The following CDYL2 variants were observed in gnomAD, a reference collection of about 807,000 sequenced individuals.
CDYL2 encodes chromodomain Y-like protein 2.
CDYL2 carries 23 observed loss-of-function variants against 49.4 expected under a neutral mutation model. The ratio of observed to expected loss-of-function variants is 0.47; its 90% CI spans 0.34 to 0.66. The LOEUF (loss-of-function observed/expected upper bound fraction) is 0.66, where lower values mean the gene tolerates loss of function less well. Among genes scored for constraint, CDYL2 ranks in the 30% least tolerant of loss-of-function variants. The pLI, the probability that CDYL2 is intolerant of heterozygous loss-of-function variation, is 0.01. For missense variants in CDYL2, 678 were observed against 656.4 expected, an observed-to-expected ratio of 1.03 and a Z score of -0.36; for synonymous variants, 360 against 268.8, an observed-to-expected ratio of 1.34 and a Z score of -3.32.
intron 1 of CDYL2, among the ~76,000 whole-genome samples, chr16:80,761,881 T>TAA (rs371781974): frequency 0.12 from 14,603 of 122,316 alleles, 867 homozygotes; most frequent in South Asian, 0.24. Flanking sequence ...AGGAGAAAAT[T>TAA]AAAAAAAAAA....
intron 1 of CDYL2, among the ~76,000 whole-genome samples, chr16:80,717,662 G>C (rs1447267833): frequency 6.6e-6 from 1 of 152,248 alleles, no homozygotes; most frequent in Admixed American, 6.5e-5. Context: ...CATGAGATCT[G>C]CTAGGGGCAT....
intron 1 of CDYL2, among the ~76,000 whole-genome samples, chr16:80,771,746 A>T (rs1906912667): frequency 6.6e-6 from 1 of 152,108 alleles, no homozygotes; most frequent in East Asian, 1.9e-4. Context: ...AAAAATGAAA[A>T]CTAAAAAACT....
intron 1 of CDYL2, among the ~76,000 whole-genome samples, chr16:80,709,310 G>A (rs892918881): frequency 3.6e-4 from 55 of 150,770 alleles, no homozygotes; most frequent in African/African-American, 1.2e-3. Context: ...TGAACCCGGG[G>A]AGTGGAGGTT....
intron 1 of CDYL2, among the ~76,000 whole-genome samples, chr16:80,731,874 C>T (rs977553026): frequency 4.7e-5 from 7 of 149,804 alleles, no homozygotes; most frequent in Admixed American, 4.7e-4. Flanking sequence ...CAACAAAGAG[C>T]ATACATGAAA....
chr16:80,631,069 C>T (rs943820504), intron 3 of CDYL2, among the ~76,000 whole-genome samples: 1 of 152,096 alleles, frequency 6.6e-6, no homozygotes, highest in East Asian at 1.9e-4. Context: ...CTTCAGTGGG[C>T]CTGGCACTGG....
chr16:80,787,531 G>C (rs568252213), intron 1 of CDYL2, among the ~76,000 whole-genome samples: 1 of 152,174 alleles, frequency 6.6e-6, no homozygotes, highest in Non-Finnish European at 1.5e-5. Flanking sequence ...ATCAACAGAA[G>C]TGTCAGGTCA....
At chr16:80,641,888 A>ATT (rs2142405439) in intron 2 of CDYL2, among the ~76,000 whole-genome samples, 1 of 151,588 alleles carries the variant, frequency 6.6e-6, no homozygotes, top group South Asian at 2.1e-4. Flanking sequence ...CCTAAAACTT[A>ATT]AAGTATAATA....
At chr16:80,641,364 T>G (rs78309779) in intron 2 of CDYL2, among the ~76,000 whole-genome samples, 1 of 151,910 alleles carries the variant, frequency 6.6e-6, no homozygotes, top group Non-Finnish European at 1.5e-5. Context: ...ACAAAAAAAC[T>G]TTTACCCTAG....
At chr16:80,799,731 A>T (rs1033657065) in intron 1 of CDYL2, among the ~76,000 whole-genome samples, 1 of 152,238 alleles carries the variant, frequency 6.6e-6, no homozygotes, top group African/African-American at 2.4e-5. Flanking sequence ...ATAAAAGCCT[A>T]CTTGAAAATA....
rs1040011260 is a variant in CDYL2, at chr16:80,787,871, T to C, written c.24+16279A>G. Among the ~76,000 whole-genome samples, 6 of 152,204 alleles carry C rather than the reference T, an allele frequency of 3.9e-5. No individual in the cohort carries two copies. The East Asian group carries it at 5.8e-4, about 15-fold the overall frequency. Reference sequence around the variant, plus strand: ...ATGTGCATGCTCTGGTAATATTTTTTAATGCCAAGCATGCAGACATATTTG... The same window carrying C: ...ATGTGCATGCTCTGGTAATATTTTTCAATGCCAAGCATGCAGACATATTTG... On this transcript the variant is annotated intron_variant, in intron 1 of 6. Coordinates refer to ENST00000570137, the MANE Select transcript of CDYL2 (RefSeq NM_152342.4).
chr16:80,785,367 GCT>G (rs1907400597), intron 1 of CDYL2, among the ~76,000 whole-genome samples: 1 of 152,136 alleles, frequency 6.6e-6, no homozygotes, highest in South Asian at 2.1e-4. Context: ...ATTCACAATT[GCT>G]ACTAAGAGAA....
At chr16:80,747,233 C>A (rs370906171) in intron 1 of CDYL2, among the ~76,000 whole-genome samples, 5 of 152,144 alleles carry the variant, frequency 3.3e-5, no homozygotes, top group African/African-American at 9.7e-5. Context: ...TCCTTATTTG[C>A]ATGAACCACC....
At chr16:80,664,759 C>T (rs1241224107) in intron 2 of CDYL2, among the ~76,000 whole-genome samples, 2 of 152,158 alleles carry the variant, frequency 1.3e-5, no homozygotes, top group Admixed American at 6.5e-5. Flanking sequence ...AATCCTGGAA[C>T]AGCCACCTAC....
At chr16:80,708,038 C>A (rs1249354797) in intron 1 of CDYL2, among the ~76,000 whole-genome samples, 1 of 152,052 alleles carries the variant, frequency 6.6e-6, no homozygotes, top group East Asian at 1.9e-4. Flanking sequence ...AGGGGTGGGG[C>A]AAAGATGATG....
rs1488206570 is a variant in CDYL2 at position 80,602,242 on chromosome 16, T to C, written c.*2146A>G. The C allele has an allele frequency of 6.6e-6, 1 of 152,188 alleles. No individual in the cohort carries two copies. Among genetic ancestry groups the C allele is most frequent in the Non-Finnish European group, 1.5e-5 (1 of 68,054 alleles). 9.4% of individuals were successfully genotyped at this position (152,188 alleles called of 1,614,324 possible). On this transcript the variant is annotated 3_prime_UTR_variant, in exon 7 of 7. Transcript: ENST00000570137. ...CAACAGGCATTTGGGCAAAAGCAGG[T>C]GTCTCCCTATAGTAACTCCCTGTAG...
intron 2 of CDYL2, among the ~76,000 whole-genome samples, chr16:80,644,069 A>T (rs1167635442): frequency 6.6e-6 from 1 of 152,260 alleles, no homozygotes; most frequent in Non-Finnish European, 1.5e-5. Flanking sequence ...TGCTTTTAAC[A>T]GCACCCAAGT....
intron 1 of CDYL2, among the ~76,000 whole-genome samples, chr16:80,773,023 T>C (rs1597126647): frequency 6.6e-6 from 1 of 152,116 alleles, no homozygotes; most frequent in Non-Finnish European, 1.5e-5. Flanking sequence ...GGTTATCAGA[T>C]AGAATTTTTT....
At chr16:80,772,590 C>G (rs538581439) in intron 1 of CDYL2, among the ~76,000 whole-genome samples, 21 of 152,216 alleles carry the variant, frequency 1.4e-4, no homozygotes, top group African/African-American at 4.1e-4. Context: ...GTAGCTGGGA[C>G]TACAGGCACG....
intron 1 of CDYL2, among the ~76,000 whole-genome samples, chr16:80,757,953 G>A (rs1016849622): frequency 6.6e-6 from 1 of 151,872 alleles, no homozygotes; most frequent in African/African-American, 2.4e-5. Flanking sequence ...AAGATAACTG[G>A]GCTAGTGTAG....
Sources: allele counts gnomAD v4.1 joint callset (sites outside exome capture counted in the v4.1 genomes callset), GRCh38; gene constraint gnomAD v4.1.1; transcripts MANE v1.5; gene names NCBI Gene and HGNC (gene_info 2026-07-23, HGNC 2026-07-21).